The following BANP variants were observed in gnomAD, a reference collection of about 807,000 sequenced individuals.
BANP encodes protein BANP.
BANP carries 11 observed loss-of-function variants against 68.1 expected under a neutral mutation model. The ratio of observed to expected loss-of-function variants is 0.16; its 90% CI spans 0.10 to 0.27. The LOEUF (loss-of-function observed/expected upper bound fraction) is 0.27, where lower values mean the gene tolerates loss of function less well. BANP is among the 10% of genes least tolerant of loss of function. BANP has a pLI of 1.00. For synonymous variants in BANP, 329 were observed against 303.2 expected (o/e 1.09, Z -0.88); for missense variants, 504 against 722.7 (o/e 0.70, Z 3.47).
chr16:87,971,259 T>G (rs2061066162), intron 1 of BANP, among the ~76,000 whole-genome samples: 1 of 152,100 alleles, frequency 6.6e-6, no homozygotes, highest in South Asian at 2.1e-4. Flanking sequence ...GCACATAGCC[T>G]TCATCTCCTC....
intron 3 of BANP, among the ~76,000 whole-genome samples, chr16:87,983,097 A>G (rs962703803): frequency 2.6e-5 from 4 of 151,938 alleles, no homozygotes; most frequent in African/African-American, 7.3e-5. Flanking sequence ...TGATGTGCAC[A>G]CTTTGGACCC....
Position 87,968,655 on chromosome 16 carries a change from C to A in BANP, c.-68-6393C>A, listed in dbSNP as rs147786686. ...AGAGGACGCAGGTTTAGTGTCACCA[C>A]ATAAGTTTCATGCTAGTTGCGCCTG... On this transcript the variant is annotated intron_variant, in intron 1 of 13. Coordinates refer to ENST00000682872, the MANE Select transcript of BANP (RefSeq NM_001386991.1). 9.2e-4 allele frequency among the ~76,000 whole-genome samples: 140 copies of A among 152,250 alleles called. 1 individual carries two copies. The highest frequency in any genetic ancestry group is 3.4e-3 in the Middle Eastern group (1 of 294).
intron 6 of BANP, among the ~76,000 whole-genome samples, chr16:88,008,291 G>A (rs2071886509): frequency 6.6e-6 from 1 of 152,196 alleles, no homozygotes; most frequent in Admixed American, 6.5e-5. Context: ...ACGTTGAGGT[G>A]CAGGTTTTTG....
chr16:88,024,856 A>G (rs1178196213), intron 7 of BANP, among the ~76,000 whole-genome samples: 3 of 152,254 alleles, frequency 2.0e-5, no homozygotes, highest in Non-Finnish European at 2.9e-5. Flanking sequence ...AGTGTGAGTC[A>G]GGGTTTGAAC....
chr16:88,063,585 C>A (rs1380609386), intron 11 of BANP, among the ~76,000 whole-genome samples: 2 of 152,178 alleles, frequency 1.3e-5, no homozygotes, highest in South Asian at 2.1e-4. Flanking sequence ...TTTGTAATCA[C>A]TTCACATTTT....
intron 7 of BANP, among the ~76,000 whole-genome samples, chr16:88,025,751 A>G (rs1231492124): frequency 6.6e-6 from 1 of 152,098 alleles, no homozygotes; most frequent in African/African-American, 2.4e-5. Context: ...AATTATTTCC[A>G]CCATTTTAGT....
At chr16:88,001,845 G>A (rs1480221317) in intron 4 of BANP, among the ~76,000 whole-genome samples, 2 of 150,640 alleles carry the variant, frequency 1.3e-5, no homozygotes, top group Non-Finnish European at 3.0e-5. Context: ...GTATGCATTT[G>A]CAACAGAAAT....
intron 4 of BANP, among the ~76,000 whole-genome samples, chr16:87,998,816 A>G (rs1359245666): frequency 2.1e-5 from 3 of 142,258 alleles, no homozygotes; most frequent in Non-Finnish European, 4.6e-5. Flanking sequence ...CCTTCCAGAC[A>G]CGTCTCCGTG....
chr16:88,058,744 C>CA (rs1418721568), intron 11 of BANP, among the ~76,000 whole-genome samples: 27 of 152,146 alleles, frequency 1.8e-4, no homozygotes, highest in African/African-American at 5.6e-4. Flanking sequence ...AACTCGGACC[C>CA]ATGGCTGCTC....
intron 11 of BANP, among the ~76,000 whole-genome samples, chr16:88,046,696 C>T (rs1417995069): frequency 2.0e-5 from 3 of 151,930 alleles, no homozygotes; most frequent in African/African-American, 4.8e-5. Context: ...TATAGGCACC[C>T]GCCACCGCAC....
At chr16:87,982,263 A>G (rs910678947) in intron 3 of BANP, among the ~76,000 whole-genome samples, 3 of 152,216 alleles carry the variant, frequency 2.0e-5, no homozygotes, top group Non-Finnish European at 4.4e-5. Flanking sequence ...CCCACTGTTG[A>G]GAAGAGGGTG....
Position 88,066,243 on chromosome 16 carries a change from A to T in BANP, c.1377+911A>T, listed in dbSNP as rs534314010. ...TAAGACTCTGAGATGAGGTTCACCAACGTGGAACTGAACTGCCCAATAAAT... is the reference window on the plus strand; with the variant it reads ...TAAGACTCTGAGATGAGGTTCACCATCGTGGAACTGAACTGCCCAATAAAT... On this transcript the variant is annotated intron_variant, in intron 12 of 13. Coordinates refer to ENST00000682872, the MANE Select transcript of BANP (RefSeq NM_001386991.1). Among the ~76,000 whole-genome samples the T allele has an allele frequency of 5.9e-5, 9 of 152,374 alleles. No individual in the cohort carries two copies. The South Asian group carries it at 1.2e-3, about 21-fold the overall frequency.
intron 13 of BANP, among the ~76,000 whole-genome samples, chr16:88,073,147 G>A (rs1192037983): frequency 1.3e-5 from 2 of 152,254 alleles, no homozygotes; most frequent in African/African-American, 4.8e-5. Context: ...TCCTCAGGAG[G>A]CGCTTGCTGA....
At chr16:87,977,760 T>A (rs1164274811) in intron 2 of BANP, among the ~76,000 whole-genome samples, 6 of 152,258 alleles carry the variant, frequency 3.9e-5, no homozygotes, top group African/African-American at 2.4e-5. Flanking sequence ...GTACCAACTA[T>A]GGCTTGCGCT....
At chr16:87,979,925 A>G (rs577823489) in intron 2 of BANP, among the ~76,000 whole-genome samples, 272 of 152,232 alleles carry the variant, frequency 1.8e-3, no homozygotes, top group African/African-American at 6.2e-3. Context: ...GCAAGACCTC[A>G]TCTCTTAAAA....
At position 87,993,035 on chromosome 16, in the gene BANP, G is replaced by T. The variant is rs531800966; in HGVS notation, c.362+8776G>T. Among the ~76,000 whole-genome samples the T allele has an allele frequency of 2.1e-4, 32 of 152,284 alleles. 1 individual carries two copies. The South Asian group carries it at 6.0e-3, about 29-fold the overall frequency. On this transcript the variant is annotated intron_variant, in intron 4 of 13. Coordinates refer to ENST00000682872, the MANE Select transcript of BANP (RefSeq NM_001386991.1). ...TTTGGCGACTTTTTGAGGAGCATTG[G>T]GTCGGTTATTTTGTAGGATGTGCCT...
intron 6 of BANP, among the ~76,000 whole-genome samples, chr16:88,007,886 A>G (rs1228407098): frequency 2.0e-5 from 3 of 151,936 alleles, no homozygotes; most frequent in Admixed American, 6.5e-5. Flanking sequence ...TCTAATTTAT[A>G]TACCATAAAA....
At chr16:88,063,381 C>T (rs147693832) in intron 11 of BANP, among the ~76,000 whole-genome samples, 50 of 152,316 alleles carry the variant, frequency 3.3e-4, no homozygotes, top group Non-Finnish European at 8.8e-5. Flanking sequence ...CCACGTGGCC[C>T]GGCTCAGCGC....
In BANP at chr16:88,012,207, C is replaced by T. The variant is rs150680796; in HGVS notation, c.655+5942C>T. Among the ~76,000 whole-genome samples, 1,488 of 152,310 alleles carry T rather than the reference C, an allele frequency of 9.8e-3. 23 individuals are homozygous for T. The highest frequency in any genetic ancestry group is 0.034 in the African/African-American group (1,418 of 41,560). On this transcript the variant is annotated intron_variant, in intron 6 of 13. Transcript: ENST00000682872. ...GCATTTTGAGCCGTGATGTGTGTAACGACACAGCCCGGTGCTGCCTTTAGG... is the reference window on the plus strand; with the variant it reads ...GCATTTTGAGCCGTGATGTGTGTAATGACACAGCCCGGTGCTGCCTTTAGG...
Sources: gnomAD v4.1 joint callset for allele counts (sites outside exome capture counted in the v4.1 genomes callset) on GRCh38, gnomAD v4.1.1 for gene constraint, MANE v1.5 for transcripts, NCBI Gene and HGNC (gene_info 2026-07-23, HGNC 2026-07-21) for gene names.